Variants in AGBL4 observed in about 807,000 individuals in gnomAD.
AGBL4 encodes cytosolic carboxypeptidase 6.
Under a neutral mutation model 66.4 loss-of-function variants are expected in AGBL4, and 58 were observed. The observed-to-expected ratio is 0.87, with a 90% CI of 0.71 to 1.09. The LOEUF (loss-of-function observed/expected upper bound fraction) is 1.09, where lower values mean the gene tolerates loss of function less well. AGBL4 is among the 50% of genes least tolerant of loss of function. The pLI is 0.00. For synonymous variants in AGBL4, 234 were observed against 222.9 expected (o/e 1.05, Z -0.44); for missense variants, 579 against 631.0 (o/e 0.92, Z 0.88).
At position 49,100,138 on chromosome 1, in the gene AGBL4, G is replaced by C. The variant is rs1490851792; in HGVS notation, c.378-54338C>G. Among the ~76,000 whole-genome samples the C allele has an allele frequency of 2.0e-5, 3 of 152,156 alleles. 1 individual carries two copies. The highest frequency in any genetic ancestry group is 4.8e-5 in the African/African-American group (2 of 41,444). ...GAACACTCCTGGGTTCAAACCTGCTGAAGGAGGAGAAAGAAGTAGGAGTTG... is the reference window on the plus strand; with the variant it reads ...GAACACTCCTGGGTTCAAACCTGCTCAAGGAGGAGAAAGAAGTAGGAGTTG... On this transcript the variant is annotated intron_variant, in intron 4 of 13. Coordinates refer to ENST00000371839, the MANE Select transcript of AGBL4 (RefSeq NM_032785.4).
At chr1:49,255,235 A>G (rs1652383490) in intron 3 of AGBL4, among the ~76,000 whole-genome samples, 1 of 152,254 alleles carries the variant, frequency 6.6e-6, no homozygotes, top group South Asian at 2.1e-4. Context: ...GATAACCTAC[A>G]GAATGGGAGA....
chr1:49,009,399 CA>C (rs1285952479), intron 5 of AGBL4, among the ~76,000 whole-genome samples: 9 of 149,676 alleles, frequency 6.0e-5, no homozygotes, highest in Admixed American at 6.0e-4. Context: ...GCTTACCAAC[CA>C]AAAAGAGTCC....
chr1:49,972,593 C>T (rs967986084), intron 1 of AGBL4, among the ~76,000 whole-genome samples: 19 of 152,116 alleles, frequency 1.2e-4, no homozygotes, highest in Admixed American at 8.5e-4. Context: ...AGCACACAGA[C>T]ATTTTATCAT....
At chr1:49,377,786 A>G (rs997176426) in intron 3 of AGBL4, among the ~76,000 whole-genome samples, 4 of 152,104 alleles carry the variant, frequency 2.6e-5, no homozygotes, top group African/African-American at 9.7e-5. Context: ...TCCTGAGCTA[A>G]GATAATTCAA....
intron 5 of AGBL4, among the ~76,000 whole-genome samples, chr1:48,927,061 T>A (rs886717722): frequency 6.6e-6 from 1 of 152,070 alleles, no homozygotes; most frequent in Non-Finnish European, 1.5e-5. Context: ...ATGTACCTGG[T>A]CCATCTTAGA....
At chr1:48,766,340 A>G (rs993221728) in intron 6 of AGBL4, among the ~76,000 whole-genome samples, 1 of 152,238 alleles carries the variant, frequency 6.6e-6, no homozygotes, top group Non-Finnish European at 1.5e-5. Flanking sequence ...CCTATGCTTT[A>G]AACACATTCC....
At position 49,014,150 on chromosome 1, in the gene AGBL4, T is replaced by C. The variant is rs1662648707; in HGVS notation, c.594+31434A>G. Among the ~76,000 whole-genome samples the C allele has an allele frequency of 2.0e-5, 3 of 152,188 alleles. No homozygotes were observed. The South Asian group carries it at 6.2e-4, about 32-fold the overall frequency. ...CCATGTGCACATCCCAGGACTGGAC[T>C]GAGCTGTATAAGTATTTTTAAAATG... On this transcript the variant is annotated intron_variant, in intron 5 of 13. Transcript: ENST00000371839.
At chr1:48,712,055 C>G (rs935325892) in intron 6 of AGBL4, among the ~76,000 whole-genome samples, 3 of 152,182 alleles carry the variant, frequency 2.0e-5, no homozygotes, top group African/African-American at 7.2e-5. Flanking sequence ...CTACTCCCTC[C>G]TCTTCTTTGC....
At chr1:48,535,490 C>T (rs1169994822) in intron 12 of AGBL4, among the ~76,000 whole-genome samples, 1 of 152,120 alleles carries the variant, frequency 6.6e-6, no homozygotes, top group African/African-American at 2.4e-5. Flanking sequence ...AATTCCTGAG[C>T]CAAGTGCAGG....
chr1:49,586,780 C>A (rs1025319304), intron 3 of AGBL4, among the ~76,000 whole-genome samples: 2 of 152,070 alleles, frequency 1.3e-5, no homozygotes, highest in Admixed American at 1.3e-4. Context: ...CTCTAGTAAC[C>A]AGCACCACAA....
chr1:49,254,933 A>G (rs1652356777), intron 3 of AGBL4, among the ~76,000 whole-genome samples: 1 of 152,222 alleles, frequency 6.6e-6, no homozygotes, highest in East Asian at 1.9e-4. Context: ...TATTAAACAA[A>G]TGGTGCTGGA....
At chr1:49,877,674 C>A (rs1182804632) in intron 1 of AGBL4, among the ~76,000 whole-genome samples, 18 of 151,968 alleles carry the variant, frequency 1.2e-4, no homozygotes, top group East Asian at 1.9e-4. Context: ...CTGGCCTCAT[C>A]AAATGAGTTA....
intron 4 of AGBL4, among the ~76,000 whole-genome samples, chr1:49,221,824 C>T (rs1224168777): frequency 6.6e-6 from 1 of 152,176 alleles, no homozygotes; most frequent in East Asian, 1.9e-4. Context: ...AAAACATATA[C>T]ACTTTTTAAT....
chr1:49,201,856 T>C (rs1647728267), intron 4 of AGBL4, among the ~76,000 whole-genome samples: 1 of 152,152 alleles, frequency 6.6e-6, no homozygotes, highest in Non-Finnish European at 1.5e-5. Flanking sequence ...AACAGTTTCC[T>C]GAATTTGTGC....
At chr1:49,400,280 T>C (rs1346800173) in intron 3 of AGBL4, among the ~76,000 whole-genome samples, 1 of 152,190 alleles carries the variant, frequency 6.6e-6, no homozygotes, top group Non-Finnish European at 1.5e-5. Context: ...TTTTGGTTAC[T>C]GTAGCTCTGT....
chr1:49,732,915 A>G (rs1172553493), intron 2 of AGBL4, among the ~76,000 whole-genome samples: 2 of 152,182 alleles, frequency 1.3e-5, no homozygotes, highest in Admixed American at 6.5e-5. Flanking sequence ...GATTCTTAAT[A>G]AACTTCATAT....
intron 6 of AGBL4, among the ~76,000 whole-genome samples, chr1:48,841,968 C>T (rs1185276227): frequency 6.6e-6 from 1 of 152,172 alleles, no homozygotes; most frequent in Non-Finnish European, 1.5e-5. Context: ...GTTTGTTTAT[C>T]ATTCCTGAAT....
At chr1:48,725,875 A>G (rs963589073) in intron 6 of AGBL4, among the ~76,000 whole-genome samples, 1 of 152,240 alleles carries the variant, frequency 6.6e-6, no homozygotes, top group Non-Finnish European at 1.5e-5. Context: ...TCTTACAAGC[A>G]TGATTCCTTG....
chr1:48,844,758 A>C (rs1646875020), intron 6 of AGBL4, among the ~76,000 whole-genome samples: 1 of 152,190 alleles, frequency 6.6e-6, no homozygotes, highest in Non-Finnish European at 1.5e-5. Context: ...TATATATTTA[A>C]GTCAACAGTG....
Sources: allele counts gnomAD v4.1 joint callset (sites outside exome capture counted in the v4.1 genomes callset), GRCh38; gene constraint gnomAD v4.1.1; transcripts MANE v1.5; gene names NCBI Gene and HGNC (gene_info 2026-07-23, HGNC 2026-07-21).